PRKG1: variants seen among roughly 807,000 people sequenced by gnomAD.
The protein encoded by PRKG1 is protein kinase cGMP-dependent 1.
In PRKG1, 35 loss-of-function variants were observed where a neutral mutation model predicts 88.1. The ratio of observed to expected loss-of-function variants is 0.40; its 90% CI spans 0.30 to 0.53. The LOEUF is 0.53. Ranked by LOEUF, PRKG1 falls within the 20% of genes least tolerant of loss-of-function variation. The pLI is 0.59. For missense variants in PRKG1, 540 were observed against 839.8 expected, an observed-to-expected ratio of 0.64 and a Z score of 4.41; for synonymous variants, 303 against 292.5, an observed-to-expected ratio of 1.04 and a Z score of -0.37.
intron 2 of PRKG1, among the ~76,000 whole-genome samples, chr10:51,297,735 A>G (rs1840757629): frequency 6.6e-6 from 1 of 152,146 alleles, no homozygotes; most frequent in African/African-American, 2.4e-5. Context: ...TGTAGGTTTT[A>G]AGATGGCATC....
chr10:51,004,032 A>C (rs752220064), intron 1 of PRKG1, among the ~76,000 whole-genome samples: 1 of 152,150 alleles, frequency 6.6e-6, no homozygotes, highest in East Asian at 1.9e-4. Flanking sequence ...TATGTTATTT[A>C]TGTATTTATT....
intron 5 of PRKG1, among the ~76,000 whole-genome samples, chr10:52,001,322 T>C (rs1011921297): frequency 1.5e-4 from 22 of 151,648 alleles, no homozygotes; most frequent in Non-Finnish European, 5.9e-5. Context: ...TAATGTACTG[T>C]ACACTGCAAT....
chr10:51,551,838 A>T (rs1158727879), intron 3 of PRKG1, among the ~76,000 whole-genome samples: 1 of 151,762 alleles, frequency 6.6e-6, no homozygotes, highest in Non-Finnish European at 1.5e-5. Flanking sequence ...TATGGAGAAG[A>T]CTAACCATAG....
chr10:52,249,972 A>G (rs1841133354), intron 9 of PRKG1, among the ~76,000 whole-genome samples: 2 of 152,214 alleles, frequency 1.3e-5, no homozygotes, highest in Non-Finnish European at 1.5e-5. Flanking sequence ...CGGCCAGGAA[A>G]TGCTTGACCA....
chr10:51,967,396 C>T (rs1362584674), intron 5 of PRKG1, among the ~76,000 whole-genome samples: 1 of 151,936 alleles, frequency 6.6e-6, no homozygotes, highest in African/African-American at 2.4e-5. Context: ...GAACATCACA[C>T]ACTGAGGCCT....
At chr10:51,755,631 T>A (rs1589260587) in intron 3 of PRKG1, among the ~76,000 whole-genome samples, 1 of 152,236 alleles carries the variant, frequency 6.6e-6, no homozygotes, top group East Asian at 1.9e-4. Flanking sequence ...TTTAACTTTA[T>A]ATTTGTGGTT....
chr10:51,038,423 A>G (rs1843380263), intron 1 of PRKG1, among the ~76,000 whole-genome samples: 1 of 152,188 alleles, frequency 6.6e-6, no homozygotes, highest in Non-Finnish European at 1.5e-5. Context: ...AATCTTATTC[A>G]TTGTATCTAA....
At chr10:51,129,228 C>A (rs576750741) in intron 1 of PRKG1, among the ~76,000 whole-genome samples, 1 of 152,218 alleles carries the variant, frequency 6.6e-6, no homozygotes, top group South Asian at 2.1e-4. Context: ...ATAAGCTTAG[C>A]ACTTTGGGAG....
intron 7 of PRKG1, among the ~76,000 whole-genome samples, chr10:52,083,234 C>A (rs1846825262): frequency 6.6e-6 from 1 of 152,008 alleles, no homozygotes; most frequent in Non-Finnish European, 1.5e-5. Flanking sequence ...GGGCCAGGTA[C>A]AACATCGTTC....
At chr10:51,250,674 G>C (rs1173697899) in intron 2 of PRKG1, among the ~76,000 whole-genome samples, 1 of 151,904 alleles carries the variant, frequency 6.6e-6, no homozygotes, top group East Asian at 1.9e-4. Flanking sequence ...TCTCTGACAA[G>C]TGACTGTGCA....
chr10:51,582,044 A>G (rs897149051), intron 3 of PRKG1, among the ~76,000 whole-genome samples: 7 of 152,198 alleles, frequency 4.6e-5, no homozygotes, highest in African/African-American at 1.4e-4. Flanking sequence ...TTAAAGACTA[A>G]GTAGAGACTA....
At chr10:52,140,885 G>A (rs899185222) in intron 8 of PRKG1, among the ~76,000 whole-genome samples, 1 of 152,056 alleles carries the variant, frequency 6.6e-6, no homozygotes, top group Non-Finnish European at 1.5e-5. Flanking sequence ...CCACATGATA[G>A]GACTGTATGA....
At position 51,055,341 on chromosome 10, in the gene PRKG1, A is replaced by C. The variant is rs190059659; in HGVS notation, c.266+63697A>C. Reference sequence around the variant, plus strand: ...AGCAGATTGACTTGAAATTCAACAAAAATTCCTGTCCCCTCATTAAAAAAA... The same window carrying C: ...AGCAGATTGACTTGAAATTCAACAACAATTCCTGTCCCCTCATTAAAAAAA... On this transcript the variant is annotated intron_variant, in intron 1 of 17. Coordinates refer to the PRKG1 transcript ENST00000401604. 1.7e-3 allele frequency among the ~76,000 whole-genome samples: 265 copies of C among 152,124 alleles called. 1 individual carries two copies. The highest frequency in any genetic ancestry group is 5.9e-3 in the African/African-American group (243 of 41,494).
At chr10:51,368,957 T>C (rs186433803) in intron 2 of PRKG1, among the ~76,000 whole-genome samples, 94 of 152,232 alleles carry the variant, frequency 6.2e-4, no homozygotes, top group African/African-American at 2.1e-3. Flanking sequence ...TATTAAATTC[T>C]AGGTGAAGGA....
chr10:51,341,234 G>A (rs1454439226), intron 2 of PRKG1, among the ~76,000 whole-genome samples: 1 of 152,066 alleles, frequency 6.6e-6, no homozygotes, highest in Non-Finnish European at 1.5e-5. Flanking sequence ...CAATTTCTGT[G>A]AATAATTTTC....
At chr10:52,024,354 A>C (rs1845275730) in intron 5 of PRKG1, among the ~76,000 whole-genome samples, 1 of 150,664 alleles carries the variant, frequency 6.6e-6, no homozygotes, top group Non-Finnish European at 1.5e-5. Flanking sequence ...TTATACTTTA[A>C]GTTCTAGGGT....
intron 1 of PRKG1, among the ~76,000 whole-genome samples, chr10:50,993,632 A>G (rs1371308536): frequency 1.3e-5 from 2 of 152,168 alleles, no homozygotes; most frequent in African/African-American, 4.8e-5. Flanking sequence ...GCTTTATCGC[A>G]TTTTTGAAAT....
intron 5 of PRKG1, among the ~76,000 whole-genome samples, chr10:51,933,940 ATAGT>A (rs990001895): frequency 1.4e-4 from 21 of 152,290 alleles, no homozygotes; most frequent in East Asian, 7.7e-4. Flanking sequence ...ATCTTAAAAA[ATAGT>A]TAGGAAGCAT....
intron 2 of PRKG1, among the ~76,000 whole-genome samples, chr10:51,183,298 C>T (rs1022814942): frequency 3.9e-5 from 6 of 152,138 alleles, no homozygotes; most frequent in Admixed American, 1.3e-4. Context: ...GATTCATTAC[C>T]GAGTGAAGTG....
Sources: allele counts gnomAD v4.1 joint callset (sites outside exome capture counted in the v4.1 genomes callset), GRCh38; gene constraint gnomAD v4.1.1; transcripts MANE v1.5; gene names NCBI Gene and HGNC (gene_info 2026-07-23, HGNC 2026-07-21).